Variants in NOX4 observed in about 807,000 individuals in gnomAD.
NOX4 encodes NADPH oxidase 4, also known as kidney oxidase-1.
NOX4 carries 69 observed loss-of-function variants against 87.6 expected under a neutral mutation model. The ratio of observed to expected loss-of-function variants is 0.79; its 90% CI spans 0.65 to 0.96. The LOEUF (loss-of-function observed/expected upper bound fraction) is 0.96, where lower values mean the gene tolerates loss of function less well. Ranked by LOEUF, NOX4 falls within the 40% of genes least tolerant of loss-of-function variation. The pLI is 0.00. For missense variants in NOX4, 680 were observed against 681.5 expected, an observed-to-expected ratio of 1.00 and a Z score of 0.02; for synonymous variants, 275 against 238.2, an observed-to-expected ratio of 1.15 and a Z score of -1.42.
At chr11:89,426,386 G>C (rs953940104) in intron 7 of NOX4, among the ~76,000 whole-genome samples, 1 of 151,866 alleles carries the variant, frequency 6.6e-6, no homozygotes, top group Non-Finnish European at 1.5e-5. Context: ...CAGGACAGTG[G>C]GTACAGCCCA....
upstream of NOX4, chr11:89,491,470 C>G (rs558527182): frequency 9.1e-5 from 47 of 514,250 alleles, no homozygotes; most frequent in South Asian, 1.2e-3. Context: ...CGCACCGGGT[C>G]AGCTCTGCCC....
intron 13 of NOX4, among the ~76,000 whole-genome samples, chr11:89,344,037 T>C (rs1362711483): frequency 1.3e-5 from 2 of 151,568 alleles, no homozygotes; most frequent in Non-Finnish European, 2.9e-5. Flanking sequence ...TTTATGTGGC[T>C]GAATGTGAAT....
chr11:89,465,662 G>A (rs1945655243), intron 2 of NOX4, among the ~76,000 whole-genome samples: 1 of 152,042 alleles, frequency 6.6e-6, no homozygotes, highest in Admixed American at 6.5e-5. Flanking sequence ...ACTTTTTAAT[G>A]ATTGACATTC....
the NOX4 span, among the ~76,000 whole-genome samples, chr11:89,585,664 C>G: frequency 6.6e-6 from 1 of 152,148 alleles, no homozygotes; most frequent in Admixed American, 6.6e-5. Flanking sequence ...TGGTGATCAG[C>G]CCCTGCTTTA....
At chr11:89,413,488 T>C (rs1942594637) in intron 8 of NOX4, among the ~76,000 whole-genome samples, 1 of 152,156 alleles carries the variant, frequency 6.6e-6, no homozygotes, top group South Asian at 2.1e-4. Flanking sequence ...AACGGTGTAC[T>C]ATTCAGCCAC....
chr11:89,515,558 G>C, the NOX4 span, among the ~76,000 whole-genome samples: 1 of 149,682 alleles, frequency 6.7e-6, no homozygotes, highest in Non-Finnish European at 1.5e-5. Context: ...TTTTAAAAGA[G>C]TGTAATGTTT....
At chr11:89,348,521 G>A (rs1458255584) in intron 13 of NOX4, among the ~76,000 whole-genome samples, 1 of 152,120 alleles carries the variant, frequency 6.6e-6, no homozygotes, top group East Asian at 1.9e-4. Flanking sequence ...GGAGGCCAAG[G>A]CAGGAGGTTC....
At chr11:89,560,621 G>T in the NOX4 span, among the ~76,000 whole-genome samples, 2 of 151,994 alleles carry the variant, frequency 1.3e-5, no homozygotes, top group South Asian at 2.1e-4. Context: ...AATGTGTGTG[G>T]TTAACATCCA....
chr11:89,473,629 C>T (rs1946043014), intron 2 of NOX4, among the ~76,000 whole-genome samples: 1 of 152,054 alleles, frequency 6.6e-6, no homozygotes, highest in Non-Finnish European at 1.5e-5. Context: ...CCTACTTAAA[C>T]ATATTGTCTA....
intron 11 of NOX4, among the ~76,000 whole-genome samples, chr11:89,389,050 A>G (rs1940926849): frequency 6.6e-6 from 1 of 152,194 alleles, no homozygotes; most frequent in Admixed American, 6.6e-5. Context: ...CTCCATCCCA[A>G]GCTGTGGTAT....
chr11:89,366,958 G>A (rs1193386261), intron 12 of NOX4, among the ~76,000 whole-genome samples: 1 of 152,086 alleles, frequency 6.6e-6, no homozygotes, highest in African/African-American at 2.4e-5. Context: ...TCCTGAGAAT[G>A]GATGGGCACT....
chr11:89,473,302 G>A (rs747278600), intron 2 of NOX4, among the ~76,000 whole-genome samples: 4 of 152,010 alleles, frequency 2.6e-5, no homozygotes, highest in African/African-American at 7.2e-5. Flanking sequence ...CAGCACATCC[G>A]ATCACAATTA....
chr11:89,397,214 GAC>G (rs1941552919), intron 11 of NOX4, among the ~76,000 whole-genome samples: 1 of 152,170 alleles, frequency 6.6e-6, no homozygotes. Context: ...GCTCCTGAAT[GAC>G]TACTGGGTAA....
chr11:89,450,287 A>G (rs16913268), intron 3 of NOX4, among the ~76,000 whole-genome samples: 3,099 of 152,302 alleles, frequency 0.02, 113 homozygotes, highest in African/African-American at 0.069. Context: ...AATTATGTAG[A>G]AAGGGTTGAG....
At chr11:89,416,587 C>T (rs1282158796) in intron 8 of NOX4, among the ~76,000 whole-genome samples, 3 of 152,100 alleles carry the variant, frequency 2.0e-5, no homozygotes, top group Non-Finnish European at 2.9e-5. Flanking sequence ...CACAATAAGC[C>T]GACCCCCACA....
intron 8 of NOX4, among the ~76,000 whole-genome samples, chr11:89,405,291 T>A (rs1942107654): frequency 6.6e-6 from 1 of 152,118 alleles, no homozygotes; most frequent in Non-Finnish European, 1.5e-5. Flanking sequence ...CAAACATTTG[T>A]GCTGTTCTTG....
At chr11:89,385,597 C>A (rs1177462111) in intron 11 of NOX4, among the ~76,000 whole-genome samples, 1 of 152,176 alleles carries the variant, frequency 6.6e-6, no homozygotes, top group African/African-American at 2.4e-5. Flanking sequence ...CCTCTTAAAA[C>A]CTCTCATTTT....
the NOX4 span, among the ~76,000 whole-genome samples, chr11:89,514,679 T>G: frequency 6.6e-6 from 1 of 151,916 alleles, no homozygotes; most frequent in African/African-American, 2.4e-5. Context: ...TGTTTTATCA[T>G]GAAGGGGTAT....
intron 2 of NOX4, among the ~76,000 whole-genome samples, chr11:89,454,056 G>C (rs1945081291): frequency 1.3e-5 from 2 of 152,016 alleles, no homozygotes; most frequent in African/African-American, 4.8e-5. Flanking sequence ...TATTTGAGAA[G>C]TACTAGACAA....
Sources: allele counts gnomAD v4.1 joint callset (sites outside exome capture counted in the v4.1 genomes callset), GRCh38; gene constraint gnomAD v4.1.1; transcripts MANE v1.5; gene names NCBI Gene and HGNC (gene_info 2026-07-23, HGNC 2026-07-21).